The following CAPRIN1 variants were observed in gnomAD, a reference collection of about 807,000 sequenced individuals.
CAPRIN1 encodes cell cycle associated protein 1.
In CAPRIN1, 29 loss-of-function variants were observed where a neutral mutation model predicts 100.9. That is an observed-to-expected ratio of 0.29 (90% CI 0.21 to 0.39). CAPRIN1 has a LOEUF of 0.39. CAPRIN1 is among the 10% of genes least tolerant of loss of function. CAPRIN1 has a pLI of 1.00. For missense variants in CAPRIN1, 795 were observed against 876.7 expected (o/e 0.91, Z 1.18); for synonymous variants, 338 against 307.5 (o/e 1.10, Z -1.04).
intron 2 of CAPRIN1, among the ~76,000 whole-genome samples, chr11:34,061,713 T>C (rs1850582317): frequency 6.6e-6 from 1 of 152,026 alleles, no homozygotes; most frequent in African/African-American, 2.4e-5. Flanking sequence ...CTCATGCCTG[T>C]AATCCTAACA....
rs2134119747 is a variant in CAPRIN1 at position 34,082,828 on chromosome 11, C to T, written c.830C>T (p.Pro277Leu). The T allele has an allele frequency of 6.2e-7, 1 of 1,613,248 alleles. No individual in the cohort carries two copies. The highest frequency in any genetic ancestry group is 2.2e-5 in the East Asian group (1 of 44,862). ...GCACCATTTTTTAACCTCTTAGAAC[C>T]TGAGCCAGCAGAAGAGTACACTGAG... is the stretch of plus-strand genomic sequence containing the variant. ...AVEDQVPEAE[P>L]EPAEEYTEQS... Residue 277 changes from proline to leucine, a missense_variant, in exon 8 of 19, where the codon CCT becomes CTT. Pro to Leu is a moderately conservative substitution (Grantham distance 98). Transcript: ENST00000341394.
rs776478836 is a variant in CAPRIN1 at position 34,086,034 on chromosome 11, T to C, written c.967-30T>C. On this transcript the variant is annotated intron_variant, in intron 9 of 18. Transcript: ENST00000341394. Reference sequence around the variant, plus strand: ...TGAGTGGAGCTTTTTTGCTCTCCTATTCCTTCTAATCCTTTTTTTTCTACC... The same window carrying C: ...TGAGTGGAGCTTTTTTGCTCTCCTACTCCTTCTAATCCTTTTTTTTCTACC... 8 of 1,609,112 alleles carry C rather than the reference T, an allele frequency of 5.0e-6. No homozygotes were observed. In the South Asian group the frequency reaches 8.8e-5, roughly 18 times the overall value.
chr11:34,053,258 C>T lies in CAPRIN1; in HGVS notation c.216+622C>T, dbSNP rs559741878. 7.1e-5 allele frequency: 39 copies of T among 552,260 alleles called. No homozygotes were observed. The East Asian group carries it at 2.0e-3, about 29-fold the overall frequency. 34.2% of individuals were successfully genotyped at this position (552,260 alleles called of 1,614,324 possible). On this transcript the variant is annotated intron_variant, in intron 2 of 18. Transcript: ENST00000341394. ...GCTACCCCCGCGCCCATGCGATGGG[C>T]TCCCCTGCGTTTCCCTCTTTGTTTC...
At chr11:34,091,854 A>G (rs915294105) in intron 14 of CAPRIN1, 52 bp from the exon 15 acceptor site, 178 of 1,538,698 alleles carry the variant, frequency 1.2e-4, no homozygotes, top group Non-Finnish European at 1.5e-4. Context: ...TGGCCATGTT[A>G]TAAACCAGAG....
At chr11:34,073,269 T>C (rs1850837639) in intron 4 of CAPRIN1, among the ~76,000 whole-genome samples, 1 of 152,218 alleles carries the variant, frequency 6.6e-6, no homozygotes, top group South Asian at 2.1e-4. Context: ...TTAATTTCAC[T>C]GTTCTTGTAT....
rs544685622 is a variant in CAPRIN1 at position 34,097,122 on chromosome 11, G to C, written c.1901-74G>C. 25 of 1,000,228 alleles carry C rather than the reference G, an allele frequency of 2.5e-5. No individual in the cohort carries two copies. In the East Asian group the frequency reaches 6.0e-4, roughly 24 times the overall value. 62.0% of individuals were successfully genotyped at this position (1,000,228 alleles called of 1,614,324 possible). A position where few individuals can be genotyped will look rare whatever the true frequency, so the allele number is the denominator to read the frequency against. Reference sequence around the variant, plus strand: ...TGGCTTATAATTTCTAGTTCTTCCCGTCTTCATTAATAAAAAAGTAAAAAT... The same window carrying C: ...TGGCTTATAATTTCTAGTTCTTCCCCTCTTCATTAATAAAAAAGTAAAAAT... On this transcript the variant is annotated intron_variant, in intron 16 of 18. Transcript: ENST00000341394.
intron 2 of CAPRIN1, among the ~76,000 whole-genome samples, chr11:34,068,138 G>A (rs936216010): frequency 1.3e-5 from 2 of 152,180 alleles, no homozygotes; most frequent in African/African-American, 2.4e-5. Flanking sequence ...ACTAAAATGA[G>A]TGGAACCACA....
intron 9 of CAPRIN1, among the ~76,000 whole-genome samples, chr11:34,084,102 G>GA (rs1554970822): frequency 6.8e-6 from 1 of 146,852 alleles, no homozygotes; most frequent in African/African-American, 2.5e-5. Flanking sequence ...AGATTGCAAA[G>GA]TTTTTTTTTT....
intron 15 of CAPRIN1, among the ~76,000 whole-genome samples, chr11:34,094,584 G>T (rs1376707958): frequency 6.6e-6 from 1 of 152,078 alleles, no homozygotes; most frequent in African/African-American, 2.4e-5. Flanking sequence ...GCCCACTTGA[G>T]ACCAGGAGTT....
chr11:34,083,944 C>T (rs1459628557), intron 9 of CAPRIN1, among the ~76,000 whole-genome samples: 1 of 152,080 alleles, frequency 6.6e-6, no homozygotes, highest in Non-Finnish European at 1.5e-5. Flanking sequence ...TGGTGCATGC[C>T]TGTAATCCCA....
rs183425514 is a variant in CAPRIN1 at position 34,067,931 on chromosome 11, T to C, written c.217-3795T>C. On this transcript the variant is annotated intron_variant, in intron 2 of 18. Coordinates refer to ENST00000341394, the MANE Select transcript of CAPRIN1 (RefSeq NM_005898.5). ...GCTGTTTCCCTTTTCATTTCCCCTT[T>C]AACCTTGTTCCAGTTATTGCCGTGT... Among the ~76,000 whole-genome samples the C allele has an allele frequency of 3.7e-3, 564 of 152,346 alleles. 6 individuals carry two copies. Among genetic ancestry groups the C allele is most frequent in the African/African-American group, 0.013 (533 of 41,582 alleles).
At chr11:34,066,721 T>C (rs886656716) in intron 2 of CAPRIN1, among the ~76,000 whole-genome samples, 21 of 151,606 alleles carry the variant, frequency 1.4e-4, no homozygotes, top group African/African-American at 5.1e-4. Context: ...CTTGGCTCAC[T>C]GCAACCTCCA....
intron 2 of CAPRIN1, among the ~76,000 whole-genome samples, chr11:34,067,657 C>A: frequency 6.6e-6 from 1 of 151,952 alleles, no homozygotes; most frequent in Admixed American, 6.6e-5. Context: ...AATTTCCACG[C>A]CTCGGTAATT....
chr11:34,052,613 C>T lies in CAPRIN1; in HGVS notation c.193C>T (p.Leu65Phe). The T allele has an allele frequency of 6.2e-7, 1 of 1,610,332 alleles. No homozygotes were observed. Reference sequence around the variant, plus strand: ...GATTCTCGGGGTGATCGACAAGAAACTTCGGAACCTGGAGAAGAAAAAGGT... The same window carrying T: ...GATTCTCGGGGTGATCGACAAGAAATTTCGGAACCTGGAGAAGAAAAAGGT... ...KQILGVIDKK[L>F]RNLEKKKGKL... The change falls in exon 2 of 19, where the codon CTT (leucine) becomes TTT (phenylalanine). Residue 65 changes from leucine to phenylalanine, a missense_variant. Around this residue, in one of 3 missense-constraint regions of CAPRIN1, gnomAD observed 38 missense variants for 92.3 expected, o/e 0.41. Transcript: ENST00000341394.
At chr11:34,086,021 T>C (rs745376042) in intron 9 of CAPRIN1, 43 bp from the exon 10 acceptor site, 4 of 1,588,192 alleles carry the variant, frequency 2.5e-6, no homozygotes. Context: ...AGTGGAGCTT[T>C]TTTGCTCTCC....
rs556896881 is a variant in CAPRIN1 at position 34,067,825 on chromosome 11, A to G, written c.217-3901A>G. On this transcript the variant is annotated intron_variant, in intron 2 of 18. Coordinates refer to ENST00000341394, the MANE Select transcript of CAPRIN1 (RefSeq NM_005898.5). Reference sequence around the variant, plus strand: ...TAATGTGTAGATCTTTATTTTGGCTATGCAGAGTTCTTTTTGCATACTTTC... The same window carrying G: ...TAATGTGTAGATCTTTATTTTGGCTGTGCAGAGTTCTTTTTGCATACTTTC... Among the ~76,000 whole-genome samples the G allele has an allele frequency of 3.1e-5, 4 of 131,090 alleles. No homozygotes were observed. In the South Asian group the frequency reaches 9.7e-4, roughly 32 times the overall value. The allele number at this position is 131,090 out of a possible 152,430, so 86.0% of individuals were successfully genotyped here. A position where few individuals can be genotyped will look rare whatever the true frequency, so the allele number is the denominator to read the frequency against.
At position 34,070,363 on chromosome 11, in the gene CAPRIN1, T is replaced by C. The variant is rs114484428; in HGVS notation, c.217-1363T>C. Among the ~76,000 whole-genome samples the C allele has an allele frequency of 8.7e-3, 1,323 of 152,314 alleles. 6 individuals carry two copies. Among genetic ancestry groups the C allele is most frequent in the Middle Eastern group, 0.024 (7 of 294 alleles). On this transcript the variant is annotated intron_variant, in intron 2 of 18. Transcript: ENST00000341394. ...AATGGATGAAGTACATTAAAGACAA[T>C]ATGCCCATGAGTTTATTCAGAAAAA...
intron 8 of CAPRIN1, 23 bp downstream of exon 8, chr11:34,082,900 C>G (rs774121022): frequency 6.2e-6 from 10 of 1,613,072 alleles, no homozygotes; most frequent in Admixed American, 5.0e-5. Context: ...TTTAATGCTG[C>G]CTTTACTTTG....
chr11:34,070,930 G>T lies in CAPRIN1; in HGVS notation c.217-796G>T, dbSNP rs1850794072. Among the ~76,000 whole-genome samples, 3 of 152,022 alleles carry T rather than the reference G, an allele frequency of 2.0e-5. No individual in the cohort carries two copies. The East Asian group carries it at 5.8e-4, about 29-fold the overall frequency. ...TTGGTCAGGCTGGTCTCGAGCTCCT[G>T]ACCTCAGGTGATCCGCCCACCTTGG... is the stretch of plus-strand genomic sequence containing the variant. On this transcript the variant is annotated intron_variant, in intron 2 of 18. Transcript: ENST00000341394.
Sources: allele counts gnomAD v4.1 joint callset (sites outside exome capture counted in the v4.1 genomes callset), GRCh38; gene constraint gnomAD v4.1.1; regional missense constraint gnomAD v4.1.1; transcripts MANE v1.5; gene names NCBI Gene and HGNC (gene_info 2026-07-23, HGNC 2026-07-21).